VTI1A: variants seen among roughly 807,000 people sequenced by gnomAD.
VTI1A encodes the protein vesicle transport through interaction with t-SNAREs 1A.
In VTI1A, 22 loss-of-function variants were observed where a neutral mutation model predicts 34.9. The observed-to-expected ratio is 0.63, with a 90% CI of 0.45 to 0.90. VTI1A has a LOEUF of 0.90. Ranked by LOEUF, VTI1A falls within the 40% of genes least tolerant of loss-of-function variation. VTI1A has a pLI of 0.00. For missense variants in VTI1A, 268 were observed against 275.6 expected, an observed-to-expected ratio of 0.97 and a Z score of 0.20; for synonymous variants, 87 against 97.3, an observed-to-expected ratio of 0.89 and a Z score of 0.62.
At chr10:112,663,439 C>A (rs951583673) in intron 5 of VTI1A, among the ~76,000 whole-genome samples, 3 of 152,146 alleles carry the variant, frequency 2.0e-5, no homozygotes, top group African/African-American at 7.2e-5. Flanking sequence ...CTGGGTTTTT[C>A]TTGTTTCCAT....
intron 7 of VTI1A, among the ~76,000 whole-genome samples, chr10:112,812,239 T>A (rs1853343710): frequency 6.6e-6 from 1 of 152,244 alleles, no homozygotes; most frequent in Non-Finnish European, 1.5e-5. Flanking sequence ...AATTATTTAC[T>A]GGGTAAACAC....
At chr10:112,791,036 T>C (rs532989442) in intron 7 of VTI1A, among the ~76,000 whole-genome samples, 40 of 152,274 alleles carry the variant, frequency 2.6e-4, no homozygotes, top group African/African-American at 8.7e-4. Flanking sequence ...ATGCTCTTGT[T>C]TCATTCCTTC....
chr10:112,624,045 A>AT (rs1316272527), intron 5 of VTI1A, among the ~76,000 whole-genome samples: 1 of 152,114 alleles, frequency 6.6e-6, no homozygotes, highest in African/African-American at 2.4e-5. Context: ...TGACAAACAC[A>AT]TTTTCACTTC....
chr10:112,840,394 G>C, the VTI1A span, among the ~76,000 whole-genome samples: 2 of 152,112 alleles, frequency 1.3e-5, no homozygotes, highest in Non-Finnish European at 1.5e-5. Context: ...CACACCGAAG[G>C]CTTCCCACTC....
At chr10:112,481,585 A>C (rs2134098253) in intron 3 of VTI1A, among the ~76,000 whole-genome samples, 1 of 152,336 alleles carries the variant, frequency 6.6e-6, no homozygotes, top group South Asian at 2.1e-4. Context: ...GAGACACTAT[A>C]TATGTCCATT....
chr10:112,544,492 C>T (rs552641332), intron 5 of VTI1A, among the ~76,000 whole-genome samples: 13 of 152,278 alleles, frequency 8.5e-5, no homozygotes, highest in Admixed American at 3.9e-4. Context: ...TGATCCACCA[C>T]GCCCGGCTGA....
intron 3 of VTI1A, among the ~76,000 whole-genome samples, chr10:112,511,780 A>C (rs751382432): frequency 3.9e-5 from 6 of 151,968 alleles, no homozygotes; most frequent in Non-Finnish European, 7.4e-5. Flanking sequence ...CATGTGATCA[A>C]ATTTTTTAGT....
Position 112,763,887 on chromosome 10 carries a change from A to G in VTI1A, c.561-51403A>G, listed in dbSNP as rs544138706. ...CTGGGTGCCAATCAGACACTGCTTCACTGGCATCTACAAACATCACCTGAT... is the reference window on the plus strand; with the variant it reads ...CTGGGTGCCAATCAGACACTGCTTCGCTGGCATCTACAAACATCACCTGAT... On this transcript the variant is annotated intron_variant, in intron 7 of 7. Transcript: ENST00000393077. 3.0e-4 allele frequency among the ~76,000 whole-genome samples: 45 copies of G among 152,296 alleles called. No homozygotes were observed. The South Asian group carries it at 9.1e-3, about 31-fold the overall frequency.
At chr10:112,478,191 A>T (rs1404171276) in intron 3 of VTI1A, among the ~76,000 whole-genome samples, 2 of 152,212 alleles carry the variant, frequency 1.3e-5, no homozygotes, top group Non-Finnish European at 2.9e-5. Flanking sequence ...TGTGCAAGCG[A>T]AATTTGACCA....
At position 112,815,985 on chromosome 10, in the gene VTI1A, AT is replaced by A. The variant is rs1001939802; in HGVS notation, c.*612del. 1,110 of 214,682 alleles carry A rather than the reference AT, an allele frequency of 5.2e-3. No homozygotes were observed. The highest frequency in any genetic ancestry group is 8.6e-3 in the Middle Eastern group (6 of 694). The allele number at this position is 214,682 out of a possible 1,614,324, so 13.3% of individuals were successfully genotyped here. On this transcript the variant is annotated 3_prime_UTR_variant, in exon 8 of 8. Coordinates refer to ENST00000393077, the MANE Select transcript of VTI1A (RefSeq NM_145206.4). The stretch of plus-strand genomic sequence containing the variant: ...ACTTTCCCTGTTTTTCTATTGCATA[AT>A]TTTTTTTTTAACCCAAAGATATTTT...
At chr10:112,651,232 AAT>A in intron 5 of VTI1A, among the ~76,000 whole-genome samples, 1 of 152,344 alleles carries the variant, frequency 6.6e-6, no homozygotes, top group Non-Finnish European at 1.5e-5. Context: ...TGATATTTTA[AAT>A]ATGACAAAAT....
chr10:112,478,227 G>A (rs1848343824), intron 3 of VTI1A, among the ~76,000 whole-genome samples: 1 of 152,172 alleles, frequency 6.6e-6, no homozygotes, highest in Non-Finnish European at 1.5e-5. Context: ...AAGTGAAATA[G>A]TCAGAAAAGC....
chr10:112,501,760 A>G (rs1020835911), intron 3 of VTI1A, among the ~76,000 whole-genome samples: 1 of 150,122 alleles, frequency 6.7e-6, no homozygotes, highest in African/African-American at 2.5e-5. Context: ...GTTGGGGATA[A>G]TTGAGCAACT....
intron 5 of VTI1A, among the ~76,000 whole-genome samples, chr10:112,551,198 C>T (rs1851345562): frequency 7.0e-6 from 1 of 143,632 alleles, no homozygotes; most frequent in Non-Finnish European, 1.5e-5. Context: ...GAGCAGAGAT[C>T]GCGCCACTGC....
chr10:112,670,160 A>T (rs1227658171), intron 7 of VTI1A, among the ~76,000 whole-genome samples: 1 of 152,124 alleles, frequency 6.6e-6, no homozygotes, highest in East Asian at 1.9e-4. Flanking sequence ...GCCTATAGAC[A>T]ATAAAAAAGA....
At chr10:112,736,621 T>C (rs1284139963) in intron 7 of VTI1A, 1 of 1,508,774 alleles carries the variant, frequency 6.6e-7, no homozygotes, top group African/African-American at 1.4e-5. Flanking sequence ...CAAAGCCTGC[T>C]GTTCTAAATG....
At chr10:112,517,989 G>A (rs542759479) in intron 3 of VTI1A, among the ~76,000 whole-genome samples, 1 of 151,998 alleles carries the variant, frequency 6.6e-6, no homozygotes, top group South Asian at 2.1e-4. Context: ...AACTGGGTGT[G>A]GGTTATATGG....
intron 7 of VTI1A, among the ~76,000 whole-genome samples, chr10:112,759,843 T>C (rs1369858964): frequency 6.7e-6 from 1 of 149,262 alleles, no homozygotes; most frequent in Non-Finnish European, 1.5e-5. Flanking sequence ...TCAGAAGACA[T>C]AGGGTATATT....
chr10:112,787,698 CTTTTT>C (rs34862909), intron 7 of VTI1A, among the ~76,000 whole-genome samples: 10 of 103,278 alleles, frequency 9.7e-5, no homozygotes, highest in Non-Finnish European at 1.7e-4. Flanking sequence ...TTTTTCTTTT[CTTTTT>C]TTTTTTTTTT....
Sources: gnomAD v4.1 joint callset for allele counts (sites outside exome capture counted in the v4.1 genomes callset) on GRCh38, gnomAD v4.1.1 for gene constraint, MANE v1.5 for transcripts, NCBI Gene and HGNC (gene_info 2026-07-23, HGNC 2026-07-21) for gene names.